Variants in PPP2R3B observed in about 807,000 individuals in gnomAD.
PPP2R3B encodes the protein serine/threonine-protein phosphatase 2A regulatory subunit B'' subunit beta.
PPP2R3B carries 68 observed loss-of-function variants against 72.9 expected under a neutral mutation model. That is an observed-to-expected ratio of 0.93 (90% CI 0.77 to 1.14). The LOEUF (loss-of-function observed/expected upper bound fraction) is 1.14. Ranked by LOEUF, PPP2R3B falls within the 50% of genes most tolerant of loss-of-function variation. The pLI is 0.00. For synonymous variants in PPP2R3B, 466 were observed against 375.8 expected (o/e 1.24, Z -2.78); for missense variants, 1,018 against 842.0 (o/e 1.21, Z -2.59).
At chrX:385,497 C>T (rs2072227556) in intron 1 of PPP2R3B, among the ~76,000 whole-genome samples, 1 of 151,888 alleles carries the variant, frequency 6.6e-6, no homozygotes, top group South Asian at 2.1e-4. Context: ...TAATCACCTT[C>T]TATGAAATAA....
At chrX:334,702 C>T (rs1478146093) in intron 12 of PPP2R3B, 185 bp from the exon 13 acceptor site, 6 of 691,718 alleles carry the variant, frequency 8.7e-6, no homozygotes, top group East Asian at 6.8e-5. Context: ...CACGAATGCT[C>T]CCGGGGGAGG....
chrX:358,264 G>A (rs1432051299), intron 2 of PPP2R3B, among the ~76,000 whole-genome samples: 1 of 152,206 alleles, frequency 6.6e-6, no homozygotes, highest in Non-Finnish European at 1.5e-5. Flanking sequence ...CAGCCTTGGC[G>A]GGGAAGCTGA....
At chrX:381,278 A>ACT (rs2072118184) in intron 1 of PPP2R3B, among the ~76,000 whole-genome samples, 1 of 152,120 alleles carries the variant, frequency 6.6e-6, no homozygotes. Context: ...GGAAGGAGCC[A>ACT]CTGCAAGCAC....
At chrX:367,605 C>T (rs371945571) in intron 1 of PPP2R3B, among the ~76,000 whole-genome samples, 4 of 152,126 alleles carry the variant, frequency 2.6e-5, no homozygotes, top group South Asian at 2.1e-4. Flanking sequence ...TAGTAGGAAG[C>T]GTGTACTCCA....
At position 340,880 on chromosome X, in the gene PPP2R3B, C is replaced by CTCGAACATGGACAGGGCG; in HGVS notation, c.1218_1235dup (p.Phe411_Glu412insAspAlaLeuSerMetPhe). The CTCGAACATGGACAGGGCG allele has an allele frequency of 6.2e-7, 1 of 1,612,102 alleles. No individual in the cohort carries two copies. The highest frequency in any genetic ancestry group is 8.5e-7 in the Non-Finnish European group (1 of 1,179,694). On this transcript the variant is annotated inframe_insertion, in exon 10 of 13. Transcript: ENST00000390665. The stretch of plus-strand genomic sequence containing the variant: ...ACTGCTCCTCGTAGAAGTACTCGAG[C>CTCGAACATGGACAGGGCG]TCGAACATGGACAGGGCGCCGTCCC...
chrX:348,499 C>T (rs1175133039), intron 2 of PPP2R3B, among the ~76,000 whole-genome samples: 2 of 150,892 alleles, frequency 1.3e-5, no homozygotes, highest in African/African-American at 4.9e-5. Flanking sequence ...TCACTTGATC[C>T]TGGGAGGTGG....
chrX:385,767 T>A (rs1379220343), intron 1 of PPP2R3B, among the ~76,000 whole-genome samples: 2 of 151,988 alleles, frequency 1.3e-5, no homozygotes, highest in African/African-American at 2.4e-5. Context: ...CAAGACCCTG[T>A]CTCCAAAGAA....
intron 5 of PPP2R3B, 182 bp from the exon 6 acceptor site, chrX:346,442 G>C (rs2071215702): frequency 1.5e-6 from 1 of 657,836 alleles, no homozygotes; most frequent in Non-Finnish European, 2.5e-6. Context: ...CGGAAAGCGG[G>C]GAGGGTCTGG....
intron 1 of PPP2R3B, among the ~76,000 whole-genome samples, chrX:375,441 C>T (rs1331599976): frequency 2.0e-5 from 3 of 149,028 alleles, no homozygotes; most frequent in Non-Finnish European, 4.5e-5. Context: ...AGAGGTGCCG[C>T]CCAGTCACCC....
rs367854179 is a variant in PPP2R3B at position 361,513 on chromosome X, G to T, written c.402C>A (p.Arg134=). The part of the protein sequence containing the change: ...SIPTFYFPRG[R]PQDSVNVDAV... ...CATCCACGTTGACGGAGTCCTGCGG[G>T]CGTCCTCTGGGGAAGTAGAAGGTCG... Residue 134 remains arginine, a synonymous_variant, in exon 2 of 13, where the codon CGC becomes CGA. Coordinates refer to ENST00000390665, the MANE Select transcript of PPP2R3B (RefSeq NM_013239.5). 56 of 1,614,022 alleles carry T rather than the reference G, an allele frequency of 3.5e-5. No individual in the cohort carries two copies. The African/African-American group carries it at 6.3e-4, about 18-fold the overall frequency.
intron 1 of PPP2R3B, among the ~76,000 whole-genome samples, chrX:381,593 CTTTTTT>C (rs950950107): frequency 2.8e-4 from 27 of 95,060 alleles, no homozygotes; most frequent in African/African-American, 1.0e-3. Context: ...ACAAGCTCAT[CTTTTTT>C]TTTTTTTTTT....
Position 346,793 on chromosome X carries a change from C to T in PPP2R3B, c.718-18G>A, listed in dbSNP as rs747542561. ...ACCACGTCCTGCGGGTGGGAAGACA[C>T]GAGGCGCGTGGTGTAGACGCCGGCC... is the stretch of plus-strand genomic sequence containing the variant. On this transcript the variant is annotated intron_variant, in intron 4 of 12. Coordinates refer to ENST00000390665, the MANE Select transcript of PPP2R3B (RefSeq NM_013239.5). The T allele has an allele frequency of 8.7e-6, 14 of 1,605,464 alleles. No homozygotes were observed. The highest frequency in any genetic ancestry group is 1.3e-5 in the African/African-American group (1 of 74,790).
intron 12 of PPP2R3B, 83 bp downstream of exon 12, chrX:338,521 C>CCCGTCCTCCCACTCAT: frequency 4.9e-6 from 2 of 405,612 alleles, no homozygotes; most frequent in Admixed American, 5.9e-5. Context: ...TGCACACACA[C>CCCGTCCTCCCACTCAT]CCGTCCTCCC....
chrX:370,311 A>G (rs1239428623), intron 1 of PPP2R3B, among the ~76,000 whole-genome samples: 1 of 152,172 alleles, frequency 6.6e-6, no homozygotes, highest in African/African-American at 2.4e-5. Flanking sequence ...ACTCAGACAC[A>G]TGACTGCAGC....
intron 12 of PPP2R3B, chrX:337,005 A>G (rs1022473787): frequency 1.3e-5 from 2 of 151,928 alleles, no homozygotes; most frequent in African/African-American, 4.8e-5. Flanking sequence ...CCCGGGCTGG[A>G]GTGCAGTGGC....
chrX:347,069 G>T (rs1325351645), intron 4 of PPP2R3B, among the ~76,000 whole-genome samples, 165 bp downstream of exon 4: 1 of 148,290 alleles, frequency 6.7e-6, no homozygotes, highest in African/African-American at 2.5e-5. Context: ...GATGAGGCAT[G>T]TGGTGTAGAC....
chrX:367,749 G>T (rs2071753494), intron 1 of PPP2R3B, among the ~76,000 whole-genome samples: 1 of 152,196 alleles, frequency 6.6e-6, no homozygotes, highest in South Asian at 2.1e-4. Flanking sequence ...CAAGACAAAG[G>T]TCTGACTGCA....
intron 1 of PPP2R3B, among the ~76,000 whole-genome samples, chrX:385,709 G>A (rs774552237): frequency 6.6e-6 from 1 of 152,134 alleles, no homozygotes; most frequent in Non-Finnish European, 1.5e-5. Flanking sequence ...GCTGAGGCAG[G>A]AAGTCCAACT....
intron 8 of PPP2R3B, 103 bp from the exon 9 acceptor site, chrX:341,499 C>A: frequency 2.0e-6 from 2 of 1,007,662 alleles, no homozygotes; most frequent in South Asian, 1.4e-5. Context: ...GCCCCCCGGG[C>A]CCGGCCCTCC....
Sources: allele counts gnomAD v4.1 joint callset (sites outside exome capture counted in the v4.1 genomes callset), GRCh38; gene constraint gnomAD v4.1.1; transcripts MANE v1.5; gene names NCBI Gene and HGNC (gene_info 2026-07-23, HGNC 2026-07-21).